Variants in SGCZ observed in about 807,000 individuals in gnomAD.
SGCZ encodes zeta-sarcoglycan.
A neutral mutation model predicts 41.3 loss-of-function variants in SGCZ; 40 were observed. The ratio of observed to expected loss-of-function variants is 0.97; its 90% CI spans 0.75 to 1.26. The LOEUF (loss-of-function observed/expected upper bound fraction) is 1.26. Among genes scored for constraint, SGCZ ranks in the 50% most tolerant of loss-of-function variants. SGCZ has a pLI of 0.00. For missense variants in SGCZ, 552 were observed against 369.8 expected, an observed-to-expected ratio of 1.49 and a Z score of -4.04; for synonymous variants, 206 against 137.5, an observed-to-expected ratio of 1.50 and a Z score of -3.49.
At chr8:14,385,212 C>T (rs553443653) in intron 2 of SGCZ, among the ~76,000 whole-genome samples, 8 of 152,166 alleles carry the variant, frequency 5.3e-5, no homozygotes, top group South Asian at 2.1e-4. Flanking sequence ...GAGAGAGATG[C>T]GCACAGGTGG....
intron 2 of SGCZ, among the ~76,000 whole-genome samples, chr8:14,465,928 G>A (rs901953164): frequency 1.3e-5 from 2 of 151,268 alleles, no homozygotes; most frequent in Non-Finnish European, 2.9e-5. Context: ...AATAACACCA[G>A]CTTTAGACTA....
intron 3 of SGCZ, among the ~76,000 whole-genome samples, chr8:14,263,982 A>C (rs916252164): frequency 1.3e-5 from 2 of 152,218 alleles, no homozygotes; most frequent in African/African-American, 4.8e-5. Flanking sequence ...CTCTGGCTCC[A>C]GGCCACGGCC....
intron 1 of SGCZ, among the ~76,000 whole-genome samples, chr8:14,795,162 T>G (rs1293276200): frequency 6.6e-6 from 1 of 152,192 alleles, no homozygotes; most frequent in Non-Finnish European, 1.5e-5. Context: ...AATGGTTAAT[T>G]AAAATATTGT....
intron 1 of SGCZ, among the ~76,000 whole-genome samples, chr8:15,140,879 T>A (rs1332635651): frequency 1.3e-5 from 2 of 152,180 alleles, no homozygotes; most frequent in Non-Finnish European, 2.9e-5. Flanking sequence ...AACAAATACA[T>A]CTCTGCAGTT....
intron 2 of SGCZ, among the ~76,000 whole-genome samples, chr8:14,428,023 G>A (rs539353160): frequency 3.3e-5 from 5 of 151,840 alleles, no homozygotes; most frequent in East Asian, 3.9e-4. Flanking sequence ...TCATATCAGC[G>A]ATTTGAGCAT....
chr8:14,668,274 A>C (rs186354277), intron 1 of SGCZ, among the ~76,000 whole-genome samples: 1 of 152,180 alleles, frequency 6.6e-6, no homozygotes, highest in Non-Finnish European at 1.5e-5. Flanking sequence ...TTTATTTTTA[A>C]ATGAATTCAG....
intron 1 of SGCZ, among the ~76,000 whole-genome samples, chr8:15,097,669 C>A (rs552905202): frequency 6.6e-6 from 1 of 150,528 alleles, no homozygotes; most frequent in Admixed American, 6.6e-5. Context: ...ATCTCCTGAG[C>A]CCAGGAGTTT....
At chr8:14,332,908 T>A (rs1279106765) in intron 2 of SGCZ, among the ~76,000 whole-genome samples, 1 of 145,384 alleles carries the variant, frequency 6.9e-6, no homozygotes, top group Non-Finnish European at 1.5e-5. Flanking sequence ...TATATATCTA[T>A]ACACACATAT....
chr8:14,382,621 G>C (rs1804410130), intron 2 of SGCZ, among the ~76,000 whole-genome samples: 1 of 152,162 alleles, frequency 6.6e-6, no homozygotes, highest in Non-Finnish European at 1.5e-5. Flanking sequence ...GAGAATATTT[G>C]AGATTGAGGG....
intron 5 of SGCZ, among the ~76,000 whole-genome samples, chr8:14,154,214 CA>C (rs1181843162): frequency 1.3e-5 from 2 of 148,508 alleles, no homozygotes; most frequent in African/African-American, 4.9e-5. Flanking sequence ...ACTAAAAATA[CA>C]AAAAATTAGC....
intron 1 of SGCZ, among the ~76,000 whole-genome samples, chr8:14,821,414 C>A (rs1169007522): frequency 6.6e-6 from 1 of 151,950 alleles, no homozygotes; most frequent in Non-Finnish European, 1.5e-5. Context: ...TACCAATTAT[C>A]CTTAAACTCT....
chr8:15,172,223 G>A (rs1307652905), intron 1 of SGCZ, among the ~76,000 whole-genome samples: 11 of 136,350 alleles, frequency 8.1e-5, no homozygotes, highest in African/African-American at 2.8e-4. Flanking sequence ...GCGCAGTGGC[G>A]CGATCTCGAC....
chr8:14,446,805 C>G (rs1255569002), intron 2 of SGCZ, among the ~76,000 whole-genome samples: 1 of 152,104 alleles, frequency 6.6e-6, no homozygotes, highest in African/African-American at 2.4e-5. Flanking sequence ...ATAGTAAAAA[C>G]TAATACGTAT....
chr8:14,973,957 T>C (rs1259047465), intron 1 of SGCZ, among the ~76,000 whole-genome samples: 2 of 152,160 alleles, frequency 1.3e-5, no homozygotes, highest in African/African-American at 4.8e-5. Context: ...TTTCCAAAAT[T>C]ACAACAGGAA....
At position 15,200,759 on chromosome 8, in the gene SGCZ, A is replaced by C. The variant is rs188627120; in HGVS notation, c.39+36826T>G. On this transcript the variant is annotated intron_variant, in intron 1 of 7. Coordinates refer to ENST00000382080, the MANE Select transcript of SGCZ (RefSeq NM_139167.4). ...TAGGAACTATCAATATCATTTAGAG[A>C]TGAGGAAAATTAACAAGCTAGGCCA... 3.8e-3 allele frequency among the ~76,000 whole-genome samples: 571 copies of C among 152,202 alleles called. 5 individuals are homozygous for C. The highest frequency in any genetic ancestry group is 0.011 in the African/African-American group (447 of 41,530).
chr8:14,668,652 A>G (rs1807992371), intron 1 of SGCZ, among the ~76,000 whole-genome samples: 2 of 152,344 alleles, frequency 1.3e-5, no homozygotes, highest in South Asian at 2.1e-4. Flanking sequence ...ATATGACTCT[A>G]GGCTGAAGTT....
intron 2 of SGCZ, among the ~76,000 whole-genome samples, chr8:14,395,439 A>G (rs1251947183): frequency 4.6e-5 from 7 of 152,190 alleles, no homozygotes; most frequent in Admixed American, 4.6e-4. Context: ...TTGCAAAGAC[A>G]GGACACTTTA....
chr8:14,246,424 C>G (rs1416444225), intron 3 of SGCZ, among the ~76,000 whole-genome samples: 1 of 150,754 alleles, frequency 6.6e-6, no homozygotes, highest in Non-Finnish European at 1.5e-5. Context: ...GGAAAGGGAA[C>G]ATGACACTCT....
intron 1 of SGCZ, among the ~76,000 whole-genome samples, chr8:15,127,742 A>G (rs1322016967): frequency 3.9e-5 from 6 of 152,216 alleles, no homozygotes; most frequent in Non-Finnish European, 7.3e-5. Context: ...ATTATACTCC[A>G]TATGTGGAAT....
Sources: gnomAD v4.1 joint callset for allele counts (sites outside exome capture counted in the v4.1 genomes callset) on GRCh38, gnomAD v4.1.1 for gene constraint, MANE v1.5 for transcripts, NCBI Gene and HGNC (gene_info 2026-07-23, HGNC 2026-07-21) for gene names.